Variants in RNFT2 observed in about 807,000 individuals in gnomAD.
The protein encoded by RNFT2 is E3 ubiquitin-protein ligase RNFT2.
Under a neutral mutation model 53.0 loss-of-function variants are expected in RNFT2, and 36 were observed. The observed-to-expected ratio is 0.68, with a 90% confidence interval of 0.52 to 0.90. RNFT2 has a LOEUF of 0.90. Among genes scored for constraint, RNFT2 ranks in the 40% least tolerant of loss-of-function variants. The pLI is 0.00. For missense variants in RNFT2, 514 were observed against 585.6 expected (o/e 0.88, Z 1.26); for synonymous variants, 260 against 253.2 (o/e 1.03, Z -0.26).
At chr12:116,832,898 C>CTTTTTTT (rs71095601) in intron 7 of RNFT2, among the ~76,000 whole-genome samples, 100 of 84,732 alleles carry the variant, frequency 1.2e-3, no homozygotes, top group East Asian at 1.6e-3. Flanking sequence ...AAGTCGTGTT[C>CTTTTTTT]TTTTTTTTTT....
chr12:116,806,381 A>AAATATATAT (rs1465646224), intron 7 of RNFT2, among the ~76,000 whole-genome samples: 2 of 133,470 alleles, frequency 1.5e-5, no homozygotes, highest in Non-Finnish European at 3.1e-5. Context: ...AAAAAAAAAA[A>AAATATATAT]ATATATATAT....
At chr12:116,802,496 T>C (rs1874845716) in intron 7 of RNFT2, among the ~76,000 whole-genome samples, 1 of 152,136 alleles carries the variant, frequency 6.6e-6, no homozygotes, top group African/African-American at 2.4e-5. Context: ...AATCTTAAAA[T>C]ATTTACTGTC....
chr12:116,840,226 C>T (rs1877184072), intron 10 of RNFT2, among the ~76,000 whole-genome samples: 1 of 152,172 alleles, frequency 6.6e-6, no homozygotes, highest in African/African-American at 2.4e-5. Flanking sequence ...TGATTTCGTG[C>T]TTACAAGTTC....
At chr12:116,835,144 C>T (rs1285241545) in intron 8 of RNFT2, among the ~76,000 whole-genome samples, 1 of 152,190 alleles carries the variant, frequency 6.6e-6, no homozygotes, top group African/African-American at 2.4e-5. Flanking sequence ...GCCACCCCAC[C>T]TGGCCCCCAT....
intron 10 of RNFT2, among the ~76,000 whole-genome samples, chr12:116,842,509 T>C (rs1877400745): frequency 6.6e-6 from 1 of 152,184 alleles, no homozygotes; most frequent in Non-Finnish European, 1.5e-5. Flanking sequence ...GGTGCAATTA[T>C]GCACATAAAG....
At chr12:116,828,099 G>A (rs1192636200) in intron 7 of RNFT2, among the ~76,000 whole-genome samples, 1 of 152,018 alleles carries the variant, frequency 6.6e-6, no homozygotes, top group Admixed American at 6.6e-5. Flanking sequence ...GGCAGACGAA[G>A]CAGGAGGCTG....
intron 7 of RNFT2, among the ~76,000 whole-genome samples, chr12:116,805,756 G>C (rs535843983): frequency 6.6e-6 from 1 of 152,338 alleles, no homozygotes; most frequent in South Asian, 2.1e-4. Flanking sequence ...TTACAGGCGT[G>C]AGCCACGGTG....
At chr12:116,784,093 C>G (rs1254899776) in intron 7 of RNFT2, among the ~76,000 whole-genome samples, 1 of 152,222 alleles carries the variant, frequency 6.6e-6, no homozygotes, top group African/African-American at 2.4e-5. Flanking sequence ...GTCAGACCAC[C>G]AGGCAGTCAG....
rs558142078 is a variant in RNFT2, at chr12:116,797,262, T to C, written c.882+17914T>C. On this transcript the variant is annotated intron_variant, in intron 7 of 10. Coordinates refer to ENST00000257575, the MANE Select transcript of RNFT2 (RefSeq NM_001382266.1). ...CTCAGAATTTGGCTATATTTGGAAA[T>C]AGGGTCTATAAAGATGGCCAGGCTC... Among the ~76,000 whole-genome samples the C allele has an allele frequency of 3.9e-5, 6 of 152,178 alleles. No individual in the cohort carries two copies. In the East Asian group the frequency reaches 1.2e-3, roughly 29 times the overall value.
intron 7 of RNFT2, among the ~76,000 whole-genome samples, chr12:116,821,092 G>T (rs1875993848): frequency 6.6e-6 from 1 of 152,194 alleles, no homozygotes; most frequent in East Asian, 1.9e-4. Context: ...TAATACGGGG[G>T]TTACTCTTCC....
chr12:116,753,589 AG>A (rs1291909068), intron 4 of RNFT2, among the ~76,000 whole-genome samples: 2 of 152,130 alleles, frequency 1.3e-5, no homozygotes, highest in Non-Finnish European at 2.9e-5. Flanking sequence ...TCCCTCTATG[AG>A]GTATAAGTAA....
chr12:116,792,869 T>C (rs1226829097), intron 7 of RNFT2, among the ~76,000 whole-genome samples: 1 of 152,162 alleles, frequency 6.6e-6, no homozygotes, highest in East Asian at 1.9e-4. Flanking sequence ...GGTGGGTTGG[T>C]TTTAATATTA....
Position 116,837,268 on chromosome 12 carries a change from C to T in RNFT2, c.1200+986C>T, listed in dbSNP as rs150970683. ...GGAGAGGCAGAGGGCCCACAGATCCCGTCCCCTCCTCTGGAAGCTCACAGT... is the reference window on the plus strand; with the variant it reads ...GGAGAGGCAGAGGGCCCACAGATCCTGTCCCCTCCTCTGGAAGCTCACAGT... On this transcript the variant is annotated intron_variant, in intron 10 of 10. Transcript: ENST00000257575. 3.6e-3 allele frequency among the ~76,000 whole-genome samples: 545 copies of T among 152,208 alleles called. 5 individuals carry two copies. The highest frequency in any genetic ancestry group is 0.012 in the African/African-American group (493 of 41,526).
chr12:116,833,547 G>C (rs946865368), intron 7 of RNFT2, among the ~76,000 whole-genome samples: 1 of 152,158 alleles, frequency 6.6e-6, no homozygotes, highest in Non-Finnish European at 1.5e-5. Flanking sequence ...CCTGAAACTC[G>C]ATCCTCAATC....
At position 116,842,899 on chromosome 12, in the gene RNFT2, G is replaced by A. The variant is rs199589629; in HGVS notation, c.1201-6415G>A. 3.9e-5 allele frequency among the ~76,000 whole-genome samples: 6 copies of A among 152,206 alleles called. No individual in the cohort carries two copies. The East Asian group carries it at 9.7e-4, about 25-fold the overall frequency. The stretch of plus-strand genomic sequence containing the variant: ...TGTTTATACTTTATAAGGGGTAGTG[G>A]CTCATAACTGCCTGTTCTCCTCCTC... On this transcript the variant is annotated intron_variant, in intron 10 of 10. Coordinates refer to ENST00000257575, the MANE Select transcript of RNFT2 (RefSeq NM_001382266.1).
At chr12:116,832,031 T>G (rs2137199100) in intron 7 of RNFT2, among the ~76,000 whole-genome samples, 1 of 150,278 alleles carries the variant, frequency 6.7e-6, no homozygotes, top group Admixed American at 6.7e-5. Flanking sequence ...CTTGGGAGGC[T>G]GAGGTGGAAG....
chr12:116,768,608 CAT>C (rs905134447), intron 6 of RNFT2, among the ~76,000 whole-genome samples: 1 of 152,032 alleles, frequency 6.6e-6, no homozygotes, highest in African/African-American at 2.4e-5. Context: ...TCCTGCCAGT[CAT>C]ATAAAAGTAG....
chr12:116,785,897 A>G (rs1471527852), intron 7 of RNFT2, among the ~76,000 whole-genome samples: 1 of 151,978 alleles, frequency 6.6e-6, no homozygotes, highest in Non-Finnish European at 1.5e-5. Context: ...AAAAATACAA[A>G]AAAAAATTGG....
chr12:116,821,293 T>TACACA (rs1876006880), intron 7 of RNFT2, among the ~76,000 whole-genome samples: 1 of 151,960 alleles, frequency 6.6e-6, no homozygotes, highest in African/African-American at 2.4e-5. Flanking sequence ...CCGTCACACT[T>TACACA]GTTTCTCCCA....
Sources: gnomAD v4.1 joint callset for allele counts (sites outside exome capture counted in the v4.1 genomes callset) on GRCh38, gnomAD v4.1.1 for gene constraint, MANE v1.5 for transcripts, NCBI Gene and HGNC (gene_info 2026-07-23, HGNC 2026-07-21) for gene names.